DGCR2: variants seen among roughly 807,000 people sequenced by gnomAD.
DGCR2 encodes integral membrane protein DGCR2/IDD.
DGCR2 carries 24 observed loss-of-function variants against 51.6 expected under a neutral mutation model. The ratio of observed to expected loss-of-function variants is 0.47; its 90% confidence interval spans 0.34 to 0.65. DGCR2 has a LOEUF of 0.65. Ranked by LOEUF, DGCR2 falls within the 30% of genes least tolerant of loss-of-function variation. The pLI, the probability that DGCR2 is intolerant of heterozygous loss-of-function variation, is 0.01. For synonymous variants in DGCR2, 340 were observed against 315.4 expected (o/e 1.08, Z -0.82); for missense variants, 765 against 772.1 (o/e 0.99, Z 0.11).
chr22:19,054,741 T>TAA (rs56262911), intron 6 of DGCR2, among the ~76,000 whole-genome samples: 115 of 139,838 alleles, frequency 8.2e-4, no homozygotes, highest in Middle Eastern at 3.6e-3. Flanking sequence ...TGCCCCACCT[T>TAA]AAAAAAAAAA....
chr22:19,086,813 C>T (rs1308551031), intron 2 of DGCR2, among the ~76,000 whole-genome samples: 1 of 152,198 alleles, frequency 6.6e-6, no homozygotes, highest in South Asian at 2.1e-4. Flanking sequence ...TTGATGCCTG[C>T]TCCATGCCAG....
chr22:19,085,599 C>T (rs538808551), intron 2 of DGCR2, among the ~76,000 whole-genome samples: 2 of 152,368 alleles, frequency 1.3e-5, no homozygotes, highest in African/African-American at 4.8e-5. Flanking sequence ...AACCCACGGA[C>T]AAGCCCAGAA....
intron 1 of DGCR2, among the ~76,000 whole-genome samples, chr22:19,114,618 G>A (rs1221176174): frequency 6.6e-6 from 1 of 152,236 alleles, no homozygotes; most frequent in Non-Finnish European, 1.5e-5. Context: ...TGCATCAGCA[G>A]ACCTAGTTTC....
chr22:19,048,711 A>G, intron 6 of DGCR2, 68 bp from the exon 7 acceptor site: 1 of 1,533,378 alleles, frequency 6.5e-7, no homozygotes, highest in Non-Finnish European at 9.0e-7. Flanking sequence ...CGTGTGGGCC[A>G]CACTGCCAAA....
At chr22:19,064,478 A>C (rs2082725224) in intron 4 of DGCR2, among the ~76,000 whole-genome samples, 1 of 152,102 alleles carries the variant, frequency 6.6e-6, no homozygotes, top group Non-Finnish European at 1.5e-5. Flanking sequence ...CCTACACTGC[A>C]CACCCCTTGC....
At chr22:19,070,277 G>A (rs2238751) in intron 2 of DGCR2, among the ~76,000 whole-genome samples, 26,807 of 152,200 alleles carry the variant, frequency 0.18, 2,526 homozygotes, top group South Asian at 0.28. Context: ...GAGACTGGAA[G>A]CTGAGAAAGA....
chr22:19,111,935 G>T (rs2083320107), intron 1 of DGCR2, among the ~76,000 whole-genome samples: 1 of 150,300 alleles, frequency 6.7e-6, no homozygotes. Context: ...GTACATCAAC[G>T]AAGGCTCAGG....
chr22:19,041,192 C>T lies in DGCR2; in HGVS notation c.1262G>A (p.Gly421Asp). 3.1e-6 allele frequency: 5 copies of T among 1,613,994 alleles called. No individual in the cohort carries two copies. The South Asian group carries it at 4.4e-5, about 14-fold the overall frequency. Reference protein sequence around the residue: ...TPLHLSDDGEGGTFHFHDPPP... With the variant: ...TPLHLSDDGEDGTFHFHDPPP... ...AGGGTCGTGGAAATGGAAAGTCCCACCCTCTCCGTCGTCAGAAAGATGCAG... is the reference window on the plus strand; with the variant it reads ...AGGGTCGTGGAAATGGAAAGTCCCATCCTCTCCGTCGTCAGAAAGATGCAG... The change falls in exon 9 of 10, where the codon GGT (glycine) becomes GAT (aspartate). Residue 421 changes from glycine to aspartate, a missense_variant. Physicochemically the swap from Gly to Asp is moderately conservative, Grantham distance 94. Coordinates refer to ENST00000263196, the MANE Select transcript of DGCR2 (RefSeq NM_005137.3).
chr22:19,041,938 G>A lies in DGCR2; in HGVS notation c.1028C>T (p.Ser343Phe), dbSNP rs1240808594. The A allele has an allele frequency of 1.4e-5, 23 of 1,613,276 alleles. No individual in the cohort carries two copies. Among genetic ancestry groups the A allele is most frequent in the Non-Finnish European group, 1.9e-5 (22 of 1,179,804 alleles). ...LDPDGNSLFD[S>F]MASGMRLVVS... is the part of the protein sequence containing the mutation. ...GACCAGGCGCATCCCGCTGGCCATG[G>A]AGTCAAACAGACTGTTGCCATCTGA... The change falls in exon 8 of 10, where the codon TCC (serine) becomes TTC (phenylalanine). Residue 343 changes from serine (S) to phenylalanine (F), a missense_variant. This residue lies in a region of DGCR2 where 190 missense variants were observed against 265.2 expected (regional missense o/e 0.72). Coordinates refer to ENST00000263196, the MANE Select transcript of DGCR2 (RefSeq NM_005137.3).
Position 19,062,779 on chromosome 22 carries a change from A to ATTCATT in DGCR2, c.625+422_625+423insAATGAA. On this transcript the variant is annotated intron_variant, in intron 5 of 9. Transcript: ENST00000263196. ...TGCGCACACACACACATGCATGCTC[A>ATTCATT]CTCTCTCTCTCTCTCTCTCTCTCTC... Among the ~76,000 whole-genome samples, 178 of 127,366 alleles carry ATTCATT rather than the reference A, an allele frequency of 1.4e-3. 3 individuals are homozygous for ATTCATT. The highest frequency in any genetic ancestry group is 4.3e-3 in the Middle Eastern group (1 of 234). 83.6% of individuals were successfully genotyped at this position (127,366 alleles called of 152,430 possible). A position where few individuals can be genotyped will look rare whatever the true frequency, so the allele number is the denominator to read the frequency against.
chr22:19,063,430 C>A, intron 4 of DGCR2, 152 bp from the exon 5 acceptor site: 1 of 712,276 alleles, frequency 1.4e-6, no homozygotes, highest in Middle Eastern at 3.5e-4. Flanking sequence ...AACTTGACTT[C>A]CTGGTTCAAG....
At position 19,039,037 on chromosome 22, in the gene DGCR2, T is replaced by A. The variant is rs2082402832; in HGVS notation, c.1481A>T (p.Glu494Val). The A allele has an allele frequency of 6.2e-7, 1 of 1,612,838 alleles. No individual in the cohort carries two copies. Among genetic ancestry groups the A allele is most frequent in the Non-Finnish European group, 8.5e-7 (1 of 1,179,886 alleles). ...GGCCCCCGCAGTGGGCAGAGGCTGC[T>A]CCAGGCGCCGGAGTAATGCACCTTC... ...GSEGALLRRL[E>V]QPLPTAGASL... Residue 494 changes from glutamate to valine, a missense_variant, in exon 10 of 10, where the codon GAG becomes GTG. This residue lies in a region of DGCR2 where 205 missense variants were observed against 181.4 expected (regional missense o/e 1.13). Coordinates refer to ENST00000263196, the MANE Select transcript of DGCR2 (RefSeq NM_005137.3).
chr22:19,045,611 G>C (rs1668774876), intron 7 of DGCR2, among the ~76,000 whole-genome samples: 1 of 152,202 alleles, frequency 6.6e-6, no homozygotes, highest in South Asian at 2.1e-4. Context: ...TTATTTAAGA[G>C]ACAGGGTCTT....
intron 1 of DGCR2, among the ~76,000 whole-genome samples, chr22:19,114,684 G>C (rs1022569351): frequency 6.6e-6 from 1 of 152,158 alleles, no homozygotes; most frequent in African/African-American, 2.4e-5. Flanking sequence ...TCCCTGTGTT[G>C]ACCTTCTGGG....
intron 1 of DGCR2, among the ~76,000 whole-genome samples, chr22:19,100,963 G>A (rs9604929): frequency 0.061 from 9,309 of 151,886 alleles, 413 homozygotes; most frequent in Middle Eastern, 0.17. Flanking sequence ...AAAATCAGCC[G>A]GGCGTGGTGG....
chr22:19,083,079 C>T (rs1397617592), intron 2 of DGCR2, among the ~76,000 whole-genome samples: 1 of 143,604 alleles, frequency 7.0e-6, no homozygotes, highest in South Asian at 2.4e-4. Flanking sequence ...AGAGCCAGAC[C>T]TTGTCTCAAA....
chr22:19,114,439 C>G (rs1271606319), intron 1 of DGCR2, among the ~76,000 whole-genome samples: 1 of 152,250 alleles, frequency 6.6e-6, no homozygotes, highest in African/African-American at 2.4e-5. Flanking sequence ...CTCCCACTGT[C>G]AGGAGTGGCC....
intron 2 of DGCR2, among the ~76,000 whole-genome samples, chr22:19,071,882 G>T (rs117751571): frequency 2.6e-5 from 4 of 152,088 alleles, no homozygotes; most frequent in Non-Finnish European, 5.9e-5. Context: ...CCTCTCAAAG[G>T]GTTCAGAAGA....
chr22:19,118,374 C>CAAAAAAAA (rs923572855), intron 1 of DGCR2, among the ~76,000 whole-genome samples: 5 of 56,758 alleles, frequency 8.8e-5, no homozygotes, highest in East Asian at 6.1e-4. Flanking sequence ...CCATCGCAAA[C>CAAAAAAAA]AAAAAAAAAA....
Sources: gnomAD v4.1 joint callset for allele counts (sites outside exome capture counted in the v4.1 genomes callset) on GRCh38, gnomAD v4.1.1 for gene constraint, gnomAD v4.1.1 regional missense constraint, MANE v1.5 for transcripts, NCBI Gene and HGNC (gene_info 2026-07-23, HGNC 2026-07-21) for gene names.